SYNE1: variants seen among roughly 807,000 people sequenced by gnomAD.
The protein encoded by SYNE1 is spectrin repeat containing nuclear envelope protein 1, also known as nesprin-1.
In SYNE1, 616 loss-of-function variants were observed where a neutral mutation model predicts 1,111.0. The observed-to-expected ratio is 0.55, with a 90% confidence interval of 0.52 to 0.59. The LOEUF (loss-of-function observed/expected upper bound fraction) is 0.59, where lower values mean the gene tolerates loss of function less well. Among genes scored for constraint, SYNE1 ranks in the 20% least tolerant of loss-of-function variants. The pLI is 0.00. For synonymous variants in SYNE1, 3,855 were observed against 3,825.8 expected (o/e 1.01, Z -0.28); for missense variants, 10,006 against 10,417.0 (o/e 0.96, Z 1.72).
intron 144 of SYNE1, 35 bp downstream of exon 144, chr6:152,132,087 C>CA: frequency 1.3e-6 from 2 of 1,594,192 alleles, no homozygotes; most frequent in South Asian, 2.2e-5. Context: ...TGTTCACTCC[C>CA]ATGGGCCAAC....
At chr6:152,217,220 C>T (rs2078951774) in intron 121 of SYNE1, among the ~76,000 whole-genome samples, 1 of 149,854 alleles carries the variant, frequency 6.7e-6, no homozygotes, top group Non-Finnish European at 1.5e-5. Flanking sequence ...TGATGAAACC[C>T]CGTCTCTACT....
At chr6:152,318,529 C>T (rs969213892) in intron 85 of SYNE1, among the ~76,000 whole-genome samples, 2 of 152,164 alleles carry the variant, frequency 1.3e-5, no homozygotes, top group African/African-American at 4.8e-5. Context: ...AGTCCCTGAA[C>T]TCATCAACAG....
chr6:152,415,122 G>GA (rs1415654212), intron 41 of SYNE1, among the ~76,000 whole-genome samples: 2 of 152,012 alleles, frequency 1.3e-5, no homozygotes, highest in South Asian at 2.1e-4. Flanking sequence ...TTTGCCCACT[G>GA]AAAAAAATGG....
intron 43 of SYNE1, 27 bp downstream of exon 43, chr6:152,409,532 C>T (rs1336216781): frequency 7.4e-6 from 12 of 1,611,852 alleles, no homozygotes; most frequent in Middle Eastern, 1.8e-4. Context: ...AAGCAGAATA[C>T]CAACATAAAC....
intron 3 of SYNE1, among the ~76,000 whole-genome samples, chr6:152,594,889 T>A (rs2099576551): frequency 1.3e-5 from 2 of 152,220 alleles, no homozygotes; most frequent in Admixed American, 1.3e-4. Context: ...CTCCACTATT[T>A]TAATGAAAAC....
chr6:152,635,534 G>C (rs140621869), intron 2 of SYNE1, among the ~76,000 whole-genome samples: 2 of 152,042 alleles, frequency 1.3e-5, no homozygotes, highest in Admixed American at 1.3e-4. Flanking sequence ...AAGAACAATC[G>C]TCATGACTCG....
At chr6:152,414,844 G>T (rs2098128273) in intron 41 of SYNE1, among the ~76,000 whole-genome samples, 1 of 150,688 alleles carries the variant, frequency 6.6e-6, no homozygotes, top group Middle Eastern at 3.2e-3. Context: ...TAGGCACCTT[G>T]TTCTCTCTTT....
Position 152,346,926 on chromosome 6 carries a change from G to A in SYNE1, c.12078+133C>T, listed in dbSNP as rs182543947. ...CATAGCAACTGTGAAATTTATCCTC[G>A]TATTTCCTGTCTGGCAACACACCAA... On this transcript the variant is annotated intron_variant, in intron 73 of 145. Transcript: ENST00000367255. 725 of 1,030,678 alleles carry A rather than the reference G, an allele frequency of 7.0e-4. 1 individual carries two copies. Among genetic ancestry groups the A allele is most frequent in the Admixed American group, 1.4e-3 (51 of 36,826 alleles). 63.8% of individuals were successfully genotyped at this position (1,030,678 alleles called of 1,614,324 possible).
intron 28 of SYNE1, among the ~76,000 whole-genome samples, chr6:152,448,301 TC>T (rs2098610174): frequency 6.6e-6 from 1 of 152,150 alleles, no homozygotes; most frequent in Non-Finnish European, 1.5e-5. Flanking sequence ...CAGCCTGTCC[TC>T]CCTACAGCAG....
At chr6:152,176,781 G>A (rs1035263635) in intron 129 of SYNE1, among the ~76,000 whole-genome samples, 5 of 151,814 alleles carry the variant, frequency 3.3e-5, no homozygotes, top group East Asian at 1.9e-4. Flanking sequence ...AGAGGTTCTC[G>A]AAATAAATAG....
intron 14 of SYNE1, chr6:152,474,583 C>T (rs1245872750): frequency 6.6e-6 from 1 of 152,192 alleles, no homozygotes; most frequent in Non-Finnish European, 1.5e-5. Flanking sequence ...AGACCACGAA[C>T]CACAGGAAAC....
intron 3 of SYNE1, among the ~76,000 whole-genome samples, chr6:152,554,885 C>A (rs1390295424): frequency 3.9e-5 from 6 of 152,328 alleles, no homozygotes; most frequent in Middle Eastern, 3.4e-3. Flanking sequence ...CATCCTGCAA[C>A]CTTCCAAGAA....
Position 152,302,085 on chromosome 6 carries a change from C to T in SYNE1, c.17347-22G>A, listed in dbSNP as rs749527717. 22 of 1,613,938 alleles carry T rather than the reference C, an allele frequency of 1.4e-5. 1 individual carries two copies. In the South Asian group the frequency reaches 2.4e-4, roughly 18 times the overall value. On this transcript the variant is annotated intron_variant, in intron 91 of 145. Transcript: ENST00000367255. ...GCTCCTGAGGAAACATTTCCCCCAC[C>T]GGGGTGTCAGAGCAGCATCAAAAGG...
intron 3 of SYNE1, among the ~76,000 whole-genome samples, chr6:152,550,681 T>G (rs1007508521): frequency 1.3e-5 from 2 of 152,064 alleles, no homozygotes; most frequent in Non-Finnish European, 2.9e-5. Context: ...GAGAAAAGAC[T>G]ATTTATAGTC....
chr6:152,149,801 C>CA, intron 135 of SYNE1, 133 bp from the exon 136 acceptor site: 1 of 776,994 alleles, frequency 1.3e-6, no homozygotes, highest in Non-Finnish European at 2.2e-6. Flanking sequence ...TATACAATCA[C>CA]AAGACAAGAG....
intron 41 of SYNE1, among the ~76,000 whole-genome samples, chr6:152,413,878 T>C (rs780961292): frequency 2.6e-5 from 4 of 152,098 alleles, no homozygotes; most frequent in African/African-American, 4.8e-5. Flanking sequence ...GTAAAATCTT[T>C]GGTAAGAAAT....
chr6:152,563,955 T>A (rs1307223169), intron 3 of SYNE1, among the ~76,000 whole-genome samples: 1 of 152,208 alleles, frequency 6.6e-6, no homozygotes, highest in Non-Finnish European at 1.5e-5. Flanking sequence ...TTTTGAAACT[T>A]GCAAACAATA....
rs1357684902 is a variant in SYNE1 at position 152,330,537 on chromosome 6, G to A, written c.14148C>T (p.Cys4716=). 1.9e-6 allele frequency: 3 copies of A among 1,614,094 alleles called. No individual in the cohort carries two copies. The highest frequency in any genetic ancestry group is 2.5e-6 in the Non-Finnish European group (3 of 1,180,026). Residue 4716 remains cysteine, a synonymous_variant, in exon 78 of 146, where the codon TGC becomes TGT. Coordinates refer to ENST00000367255, the MANE Select transcript of SYNE1 (RefSeq NM_182961.4). ...VEEALSLQDG[C]RAILDEVAGL... ...CCGCCACCTCGTCCAGAATGGCTCT[G>A]CAACCATCTTGCAGAGAAAGAGCCT... is the stretch of plus-strand genomic sequence containing the variant.
chr6:152,262,186 T>C lies in SYNE1; in HGVS notation c.18818A>G (p.Glu6273Gly). 1 of 1,613,672 alleles carries C rather than the reference T, an allele frequency of 6.2e-7. No individual in the cohort carries two copies. Among genetic ancestry groups the C allele is most frequent in the Non-Finnish European group, 8.5e-7 (1 of 1,179,864 alleles). The change falls in exon 101 of 146, where the codon GAA (glutamate) becomes GGA (glycine). Residue 6273 changes from glutamate to glycine, a missense_variant and splice_region_variant. Physicochemically the swap from Glu to Gly is moderately conservative, Grantham distance 98 (BLOSUM62 -2). Around this residue, in one of 7 missense-constraint regions of SYNE1, gnomAD observed 2,182 missense variants for 2,287.8 expected, o/e 0.95. Coordinates refer to ENST00000367255, the MANE Select transcript of SYNE1 (RefSeq NM_182961.4). ...SAAETSGDAG[E>G]KPDVLSQELG... ...CTCCTGGGATAACACATCAGGTTTTTCGCTATTAGAAGAATAAATAATCTA... is the reference window on the plus strand; with the variant it reads ...CTCCTGGGATAACACATCAGGTTTTCCGCTATTAGAAGAATAAATAATCTA...
Sources: allele counts gnomAD v4.1 joint callset (sites outside exome capture counted in the v4.1 genomes callset), GRCh38; gene constraint gnomAD v4.1.1; regional missense constraint gnomAD v4.1.1; transcripts MANE v1.5; gene names NCBI Gene and HGNC (gene_info 2026-07-23, HGNC 2026-07-21).